Variants in SCAI observed in about 807,000 individuals in gnomAD.
The protein encoded by SCAI is suppressor of cancer cell invasion.
SCAI carries 24 observed loss-of-function variants against 92.2 expected under a neutral mutation model. The ratio of observed to expected loss-of-function variants is 0.26; its 90% CI spans 0.19 to 0.37. The LOEUF (loss-of-function observed/expected upper bound fraction) is 0.37, where lower values mean the gene tolerates loss of function less well. Ranked by LOEUF, SCAI falls within the 10% of genes least tolerant of loss-of-function variation. SCAI has a pLI of 1.00. For missense variants in SCAI, 450 were observed against 736.2 expected (o/e 0.61, Z 4.50); for synonymous variants, 261 against 258.6 (o/e 1.01, Z -0.09).
chr9:124,974,962 C>T (rs1033784962), intron 15 of SCAI, among the ~76,000 whole-genome samples: 25 of 152,232 alleles, frequency 1.6e-4, no homozygotes, highest in South Asian at 6.2e-4. Flanking sequence ...CTCCTCTATA[C>T]AATGAAGTCT....
chr9:125,046,863 G>C (rs770519951), intron 3 of SCAI, among the ~76,000 whole-genome samples: 9 of 151,876 alleles, frequency 5.9e-5, no homozygotes, highest in Admixed American at 2.0e-4. Context: ...TATGGACTTT[G>C]ATAGAATATA....
chr9:124,987,525 A>C (rs1488653827), intron 14 of SCAI, among the ~76,000 whole-genome samples: 4 of 152,120 alleles, frequency 2.6e-5, no homozygotes, highest in African/African-American at 9.7e-5. Flanking sequence ...CTCTTTCTCT[A>C]CGTGGGAAAG....
chr9:125,018,830 T>C lies in SCAI; in HGVS notation c.830A>G (p.Asp277Gly). 6.2e-7 allele frequency: 1 copy of C among 1,612,816 alleles called. No individual in the cohort carries two copies. Among genetic ancestry groups the C allele is most frequent in the Non-Finnish European group, 8.5e-7 (1 of 1,179,624 alleles). ...ATTACAATTACCAATAATGAGTGCG[T>C]CAGCCAGAGACAACTGTCCCACAAT... ...GMIVGQLSLA[D>G]ALIIGNCNNQ... The change falls in exon 9 of 18, where the codon GAC (aspartate) becomes GGC (glycine). Residue 277 changes from aspartate (D) to glycine (G), a missense_variant. Asp to Gly is a moderately conservative substitution (Grantham distance 94). Around this residue, in one of 3 missense-constraint regions of SCAI, gnomAD observed 360 missense variants for 601.8 expected, o/e 0.60. Coordinates refer to ENST00000336505, the MANE Select transcript of SCAI (RefSeq NM_001144877.3).
Position 125,143,513 on chromosome 9 carries a change from G to A in SCAI, c.-76C>T, listed in dbSNP as rs932271632. The A allele has an allele frequency of 2.4e-6, 3 of 1,243,500 alleles. No homozygotes were observed. The highest frequency in any genetic ancestry group is 6.4e-5 in the East Asian group (2 of 31,428). 77.0% of individuals were successfully genotyped at this position (1,243,500 alleles called of 1,614,324 possible). A position where few individuals can be genotyped will look rare whatever the true frequency, so the allele number is the denominator to read the frequency against. ...CGGGAAGCTGAGGCGGCGGAGGCTGGAGTAGGCGGAGAGGCGGGAGGAGGG... is the reference window on the plus strand; with the variant it reads ...CGGGAAGCTGAGGCGGCGGAGGCTGAAGTAGGCGGAGAGGCGGGAGGAGGG... On this transcript the variant is annotated 5_prime_UTR_variant, in exon 1 of 18. Coordinates refer to ENST00000336505, the MANE Select transcript of SCAI (RefSeq NM_001144877.3).
At chr9:125,066,841 A>T (rs1284313751) in intron 2 of SCAI, among the ~76,000 whole-genome samples, 1 of 152,154 alleles carries the variant, frequency 6.6e-6, no homozygotes, top group Non-Finnish European at 1.5e-5. Flanking sequence ...CTATGTTTAG[A>T]TATGTTTGGA....
chr9:124,955,694 G>A (rs1047424489), intron 17 of SCAI, among the ~76,000 whole-genome samples: 2 of 151,430 alleles, frequency 1.3e-5, no homozygotes, highest in African/African-American at 4.9e-5. Context: ...TGAAAAAAAC[G>A]AAAGTTAATG....
chr9:124,968,800 G>A (rs1434663911), intron 17 of SCAI: 18 of 738,344 alleles, frequency 2.4e-5, no homozygotes, highest in Admixed American at 1.8e-4. Context: ...ATTCCAGTGC[G>A]CAGGCCCCAG....
chr9:125,058,814 T>C (rs1489683121), intron 2 of SCAI, among the ~76,000 whole-genome samples: 1 of 152,220 alleles, frequency 6.6e-6, no homozygotes, highest in Non-Finnish European at 1.5e-5. Flanking sequence ...CAATCTGGAA[T>C]ATCTTGTGGT....
chr9:124,964,708 A>G (rs1383782005), intron 17 of SCAI, among the ~76,000 whole-genome samples: 1 of 152,212 alleles, frequency 6.6e-6, no homozygotes, highest in African/African-American at 2.4e-5. Flanking sequence ...GCATTGCCAA[A>G]TATCAAAAAA....
rs1034981153 is a variant in SCAI at position 124,952,797 on chromosome 9, G to C, written c.*10C>G. ...AAATGAAAACTTGTTTCGACAACAG[G>C]GTTTTTGTTTTAATAGTCATCAATG... On this transcript the variant is annotated 3_prime_UTR_variant, in exon 18 of 18. Coordinates refer to ENST00000336505, the MANE Select transcript of SCAI (RefSeq NM_001144877.3). The C allele has an allele frequency of 6.3e-7, 1 of 1,599,426 alleles. No homozygotes were observed. The highest frequency in any genetic ancestry group is 8.5e-7 in the Non-Finnish European group (1 of 1,172,906).
At chr9:124,969,923 T>C (rs1564361163) in intron 17 of SCAI, among the ~76,000 whole-genome samples, 1 of 152,134 alleles carries the variant, frequency 6.6e-6, no homozygotes, top group Non-Finnish European at 1.5e-5. Context: ...GCATGATCTC[T>C]GCTCACTGCA....
intron 3 of SCAI, among the ~76,000 whole-genome samples, chr9:125,037,758 T>C (rs1833229294): frequency 6.6e-6 from 1 of 151,484 alleles, no homozygotes; most frequent in Non-Finnish European, 1.5e-5. Flanking sequence ...CTACTAAACA[T>C]ACAAAATATT....
intron 2 of SCAI, among the ~76,000 whole-genome samples, chr9:125,063,448 A>G (rs1400675637): frequency 6.6e-6 from 1 of 152,116 alleles, no homozygotes; most frequent in Non-Finnish European, 1.5e-5. Context: ...AGAGTGTAAC[A>G]GTAAAATTAA....
At chr9:124,970,515 T>A (rs1831638042) in intron 17 of SCAI, among the ~76,000 whole-genome samples, 1 of 151,892 alleles carries the variant, frequency 6.6e-6, no homozygotes, top group Non-Finnish European at 1.5e-5. Context: ...GGTCAGGAGA[T>A]CGAGACCAGC....
chr9:125,048,701 G>C (rs1833496281), intron 3 of SCAI, among the ~76,000 whole-genome samples: 1 of 147,634 alleles, frequency 6.8e-6, no homozygotes, highest in Non-Finnish European at 1.5e-5. Flanking sequence ...TTCTTAAGTT[G>C]AATACTGGGA....
At chr9:125,053,326 C>A (rs553303765) in intron 3 of SCAI, among the ~76,000 whole-genome samples, 1 of 152,074 alleles carries the variant, frequency 6.6e-6, no homozygotes, top group Non-Finnish European at 1.5e-5. Flanking sequence ...AAGAGCAACA[C>A]TCTGTCTCAA....
At chr9:125,069,596 G>A (rs1175010559) in intron 2 of SCAI, among the ~76,000 whole-genome samples, 2 of 149,770 alleles carry the variant, frequency 1.3e-5, no homozygotes. Context: ...GGGATTACAG[G>A]CGTCAGCCAT....
chr9:124,956,134 ATAT>A (rs1831312219), intron 17 of SCAI, among the ~76,000 whole-genome samples: 1 of 152,236 alleles, frequency 6.6e-6, no homozygotes, highest in Non-Finnish European at 1.5e-5. Flanking sequence ...CCATAATGAA[ATAT>A]TAGCAAATTC....
At chr9:124,984,295 G>A (rs926439488) in intron 14 of SCAI, among the ~76,000 whole-genome samples, 3 of 152,186 alleles carry the variant, frequency 2.0e-5, no homozygotes, top group African/African-American at 7.2e-5. Context: ...TTGGAAGACT[G>A]GGGAGGGAGG....
Sources: allele counts gnomAD v4.1 joint callset (sites outside exome capture counted in the v4.1 genomes callset), GRCh38; gene constraint gnomAD v4.1.1; regional missense constraint gnomAD v4.1.1; transcripts MANE v1.5; gene names NCBI Gene and HGNC (gene_info 2026-07-23, HGNC 2026-07-21).